The following TTLL11 variants were observed in gnomAD, a reference collection of about 807,000 sequenced individuals.
The protein encoded by TTLL11 is tubulin polyglutamylase TTLL11.
Under a neutral mutation model 51.7 loss-of-function variants are expected in TTLL11, and 42 were observed. That is an observed-to-expected ratio of 0.81 (90% CI 0.64 to 1.05). TTLL11 has a LOEUF of 1.05. TTLL11 is among the 50% of genes least tolerant of loss of function. The pLI, the probability that TTLL11 is intolerant of heterozygous loss-of-function variation, is 0.00. For synonymous variants in TTLL11, 381 were observed against 383.5 expected, an observed-to-expected ratio of 0.99 and a Z score of 0.08; for missense variants, 799 against 940.4, an observed-to-expected ratio of 0.85 and a Z score of 1.97.
At position 121,989,198 on chromosome 9, in the gene TTLL11, G is replaced by A. The variant is rs1383941608; in HGVS notation, c.1266C>T (p.Phe422=). 6.2e-7 allele frequency: 1 copy of A among 1,613,436 alleles called. No homozygotes were observed. The highest frequency in any genetic ancestry group is 1.7e-5 in the Admixed American group (1 of 59,976). Residue 422 remains phenylalanine (F), a synonymous_variant, in exon 4 of 9, where the codon TTC becomes TTT. Coordinates refer to ENST00000321582, the MANE Select transcript of TTLL11 (RefSeq NM_001139442.2). This position sits in a 1 kb window ranked among gnomAD's most constrained non-coding sequence, Gnocchi z 4.2. ...GCTGGGAACTGGCAATGGTTACCTGGAAGCACGTGGGGCCCGGCCTCCCCG... is the reference window on the plus strand; with the variant it reads ...GCTGGGAACTGGCAATGGTTACCTGAAAGCACGTGGGGCCCGGCCTCCCCG... ...IPTGRPGPTC[F]QILGFDILLM...
chr9:121,963,652 T>C (rs961203033), intron 6 of TTLL11: 1 of 152,206 alleles, frequency 6.6e-6, no homozygotes, highest in Non-Finnish European at 1.5e-5. Flanking sequence ...CCCTGTGGAA[T>C]GACACTCTCA....
intron 6 of TTLL11, among the ~76,000 whole-genome samples, chr9:121,897,340 T>C (rs1839562448): frequency 6.6e-6 from 1 of 152,164 alleles, no homozygotes; most frequent in African/African-American, 2.4e-5. Flanking sequence ...GCGGTAGAAC[T>C]GAGGCTCAAA....
At chr9:121,895,955 GGT>G (rs1348711700) in intron 6 of TTLL11, among the ~76,000 whole-genome samples, 1 of 16,728 alleles carries the variant, frequency 6.0e-5, no homozygotes, top group African/African-American at 2.0e-4. Context: ...TGTGGGTGTG[GGT>G]GTGTGGGTGT....
chr9:121,842,228 T>G (rs919805014), intron 8 of TTLL11, among the ~76,000 whole-genome samples: 2 of 149,880 alleles, frequency 1.3e-5, no homozygotes, highest in Non-Finnish European at 3.0e-5. Context: ...TTGAAAGAGA[T>G]GATCTTTAGG....
intron 6 of TTLL11, among the ~76,000 whole-genome samples, chr9:121,875,435 C>T (rs1838529307): frequency 1.3e-5 from 2 of 152,168 alleles, no homozygotes; most frequent in South Asian, 4.1e-4. Flanking sequence ...TCAAGGGTTG[C>T]TGTATTTAGT....
chr9:122,039,325 C>T lies in TTLL11; in HGVS notation c.506G>A (p.Gly169Glu), dbSNP rs376656271. 2.5e-6 allele frequency: 4 copies of T among 1,613,942 alleles called. No homozygotes were observed. The African/African-American group carries it at 4.0e-5, about 16-fold the overall frequency. ...RRLPCDIYWH[G>E]VSFHDNDIFS... The stretch of plus-strand genomic sequence containing the variant: ...TATGTCATTGTCGTGAAATGAAACT[C>T]CATGCCAGTAGATGTCACAAGGCAA... The change falls in exon 2 of 9, where the codon GGA becomes GAA. Residue 169 changes from glycine (G) to glutamate (E), a missense_variant. Transcript: ENST00000321582.
chr9:121,902,139 A>G (rs1278713162), intron 6 of TTLL11, among the ~76,000 whole-genome samples: 1 of 151,914 alleles, frequency 6.6e-6, no homozygotes, highest in Non-Finnish European at 1.5e-5. Context: ...GGCAATCAAG[A>G]TGAAAATAAA....
chr9:122,051,787 C>T (rs185918071), intron 1 of TTLL11, among the ~76,000 whole-genome samples: 4 of 152,306 alleles, frequency 2.6e-5, no homozygotes, highest in Admixed American at 6.5e-5. Context: ...GTTTCACCTC[C>T]TCATTGTGTC....
At chr9:121,842,307 G>C (rs543362031) in intron 8 of TTLL11, among the ~76,000 whole-genome samples, 1 of 152,024 alleles carries the variant, frequency 6.6e-6, no homozygotes, top group Admixed American at 6.6e-5. Flanking sequence ...TGGAGGACTG[G>C]AGTGCAGTGA....
rs1216786666 is a variant in TTLL11 at position 121,819,701 on chromosome 9, C to G, written c.*2886G>C. ...CTTATCCTGCAGCAAAGCACAGGGG[C>G]TGCCCAGCTATGTGTGCCGTGCCTC... On this transcript the variant is annotated 3_prime_UTR_variant, in exon 9 of 9. Coordinates refer to ENST00000321582, the MANE Select transcript of TTLL11 (RefSeq NM_001139442.2). 6.6e-6 allele frequency among the ~76,000 whole-genome samples: 1 copy of G among 152,080 alleles called. No homozygotes were observed. Among genetic ancestry groups the G allele is most frequent in the East Asian group, 1.9e-4 (1 of 5,180 alleles).
chr9:121,930,698 T>C (rs1840933254), intron 6 of TTLL11, among the ~76,000 whole-genome samples: 1 of 152,192 alleles, frequency 6.6e-6, no homozygotes, highest in Non-Finnish European at 1.5e-5. Flanking sequence ...GTCCCAGGTC[T>C]GCCACGCCAT....
chr9:122,061,647 T>C (rs1226127540), intron 1 of TTLL11, among the ~76,000 whole-genome samples: 1 of 152,058 alleles, frequency 6.6e-6, no homozygotes, highest in African/African-American at 2.4e-5. Flanking sequence ...TTTTTTGTTT[T>C]CTTTTTTTGA....
In TTLL11 at chr9:121,818,507, A is replaced by G. The variant is rs1284082795; in HGVS notation, c.*4080T>C. Reference sequence around the variant, plus strand: ...CTCTGTGCCAACGTGGACCCAGCACATGCCTGACCCTGCAGGAACGCACAG... The same window carrying G: ...CTCTGTGCCAACGTGGACCCAGCACGTGCCTGACCCTGCAGGAACGCACAG... On this transcript the variant is annotated 3_prime_UTR_variant, in exon 9 of 9. Coordinates refer to ENST00000321582, the MANE Select transcript of TTLL11 (RefSeq NM_001139442.2). The G allele has an allele frequency of 6.6e-6, 1 of 152,294 alleles. No individual in the cohort carries two copies. Among genetic ancestry groups the G allele is most frequent in the Non-Finnish European group, 1.5e-5 (1 of 68,086 alleles). 9.4% of individuals were successfully genotyped at this position (152,294 alleles called of 1,614,324 possible). A position where few individuals can be genotyped will look rare whatever the true frequency, so the allele number is the denominator to read the frequency against.
At chr9:122,041,565 T>G (rs993210323) in intron 1 of TTLL11, among the ~76,000 whole-genome samples, 3 of 152,166 alleles carry the variant, frequency 2.0e-5, no homozygotes, top group African/African-American at 7.2e-5. Flanking sequence ...ATAAACAAAT[T>G]CAGCAAAGTT....
intron 8 of TTLL11, among the ~76,000 whole-genome samples, chr9:121,854,888 C>T (rs1305875203): frequency 1.3e-5 from 2 of 152,202 alleles, no homozygotes; most frequent in Non-Finnish European, 2.9e-5. Flanking sequence ...AGTTCTGTGT[C>T]CTGCTGGAAA....
In TTLL11 at chr9:121,989,492, G is replaced by A. The variant is rs146678307; in HGVS notation, c.972C>T (p.Thr324=). Residue 324 remains threonine (T), a synonymous_variant, in exon 4 of 9, where the codon ACC becomes ACT. Coordinates refer to ENST00000321582, the MANE Select transcript of TTLL11 (RefSeq NM_001139442.2). The surrounding 1 kb of genome is among the most constrained non-coding windows in gnomAD (Gnocchi z 4.2). ...IAKDGLSRFC[T]EPYQEPTPKN... is the part of the protein sequence containing the mutation. Reference sequence around the variant, plus strand: ...TGGGGGTGGGCTCCTGATATGGCTCGGTACAAAACCTAGAGAGTCCGTCTT... The same window carrying A: ...TGGGGGTGGGCTCCTGATATGGCTCAGTACAAAACCTAGAGAGTCCGTCTT... 1.7e-5 allele frequency: 27 copies of A among 1,613,410 alleles called. No individual in the cohort carries two copies. The highest frequency in any genetic ancestry group is 1.5e-4 in the African/African-American group (11 of 75,008).
intron 6 of TTLL11, among the ~76,000 whole-genome samples, chr9:121,943,673 A>G (rs1841569893): frequency 6.6e-6 from 1 of 152,190 alleles, no homozygotes; most frequent in Non-Finnish European, 1.5e-5. Context: ...TCCACTCTCC[A>G]GTGAGCACCT....
intron 6 of TTLL11, among the ~76,000 whole-genome samples, chr9:121,909,359 C>T (rs1160790135): frequency 2.0e-5 from 3 of 152,086 alleles, no homozygotes; most frequent in Non-Finnish European, 4.4e-5. Context: ...TTGAGATTAT[C>T]TACTGGAACA....
chr9:122,074,277 T>TAA (rs201390866), intron 1 of TTLL11, among the ~76,000 whole-genome samples: 5,811 of 133,492 alleles, frequency 0.044, 381 homozygotes, highest in African/African-American at 0.15. Flanking sequence ...TCATCTCAAT[T>TAA]AAAAAAAAAA....
Sources: allele counts gnomAD v4.1 joint callset (sites outside exome capture counted in the v4.1 genomes callset), GRCh38; gene constraint gnomAD v4.1.1; non-coding constraint Gnocchi (gnomAD v3.1); transcripts MANE v1.5; gene names NCBI Gene and HGNC (gene_info 2026-07-23, HGNC 2026-07-21).